SIPA1L3: variants seen among roughly 807,000 people sequenced by gnomAD.
The protein encoded by SIPA1L3 is signal induced proliferation associated 1 like 3.
A neutral mutation model predicts 150.1 loss-of-function variants in SIPA1L3; 59 were observed. The observed-to-expected ratio is 0.39, with a 90% confidence interval of 0.32 to 0.49. SIPA1L3 has a LOEUF of 0.49. SIPA1L3 is among the 20% of genes least tolerant of loss of function. The pLI is 0.86. For synonymous variants in SIPA1L3, 1,070 were observed against 1,077.6 expected (o/e 0.99, Z 0.14); for missense variants, 2,211 against 2,489.5 (o/e 0.89, Z 2.38).
intron 21 of SIPA1L3, among the ~76,000 whole-genome samples, chr19:38,205,388 C>T (rs966178333): frequency 1.4e-4 from 20 of 144,310 alleles, no homozygotes; most frequent in African/African-American, 3.7e-4. Flanking sequence ...ACCCAGGAGG[C>T]GGAGATTGCA....
rs150927421 is a variant in SIPA1L3, at chr19:38,170,811, C to T, written c.4208+5905C>T. On this transcript the variant is annotated intron_variant, in intron 15 of 21. Coordinates refer to ENST00000222345, the MANE Select transcript of SIPA1L3 (RefSeq NM_015073.3). ...TAGGGCCAGCGATAATGTTCCTGAA[C>T]GAGGGTCACATCTGCCAAGGATGAG... is the stretch of plus-strand genomic sequence containing the variant. Among the ~76,000 whole-genome samples the T allele has an allele frequency of 7.5e-3, 1,139 of 151,872 alleles. 11 individuals are homozygous for T. Among genetic ancestry groups the T allele is most frequent in the East Asian group, 0.034 (175 of 5,156 alleles).
At chr19:38,124,432 C>T (rs1373202177) in intron 9 of SIPA1L3, among the ~76,000 whole-genome samples, 2 of 151,550 alleles carry the variant, frequency 1.3e-5, no homozygotes, top group Non-Finnish European at 2.9e-5. Flanking sequence ...TTCCTCACTT[C>T]CTAGATGGGA....
At chr19:38,100,980 C>T in intron 5 of SIPA1L3, 72 bp from the exon 6 acceptor site, 1 of 1,466,802 alleles carries the variant, frequency 6.8e-7, no homozygotes, top group Non-Finnish European at 9.0e-7. Flanking sequence ...AGGCCTCAGA[C>T]ATACCCCTTG....
chr19:38,155,112 G>A (rs957941047), intron 13 of SIPA1L3, among the ~76,000 whole-genome samples: 6 of 152,116 alleles, frequency 3.9e-5, no homozygotes, highest in Non-Finnish European at 5.9e-5. Flanking sequence ...AAATGACAAA[G>A]CATCTTATAC....
At position 37,965,869 on chromosome 19, in the gene SIPA1L3, C is replaced by G. The variant is rs1000278421; in HGVS notation, c.-379+58511C>G. Among the ~76,000 whole-genome samples, 4 of 152,240 alleles carry G rather than the reference C, an allele frequency of 2.6e-5. No homozygotes were observed. In the East Asian group the frequency reaches 7.7e-4, roughly 29 times the overall value. On this transcript the variant is annotated intron_variant, in intron 1 of 21. Transcript: ENST00000222345. ...TCCAGGCTTCATGTCTGGGACCCAG[C>G]GTTCTGTGTTTGGGCATTGCCACCT...
intron 15 of SIPA1L3, among the ~76,000 whole-genome samples, chr19:38,171,129 G>A (rs1972318984): frequency 6.6e-6 from 1 of 151,984 alleles, no homozygotes; most frequent in South Asian, 2.1e-4. Context: ...AAAACAGAAG[G>A]GAAAGATGAG....
At chr19:38,197,487 G>A (rs898512819) in intron 18 of SIPA1L3, among the ~76,000 whole-genome samples, 1 of 151,228 alleles carries the variant, frequency 6.6e-6, no homozygotes, top group South Asian at 2.1e-4. Context: ...GCCCCCCCAC[G>A]GCAACCCCAC....
chr19:38,127,267 C>T (rs1205427697), intron 9 of SIPA1L3, among the ~76,000 whole-genome samples: 5 of 152,194 alleles, frequency 3.3e-5, no homozygotes, highest in Non-Finnish European at 5.9e-5. Flanking sequence ...TTCTTTCTTC[C>T]TTCCCTCTCT....
chr19:38,145,402 A>G (rs1971680902), intron 12 of SIPA1L3, among the ~76,000 whole-genome samples: 2 of 151,888 alleles, frequency 1.3e-5, no homozygotes, highest in Non-Finnish European at 2.9e-5. Flanking sequence ...GTGTGGTGGC[A>G]CGCGCCTGTA....
At chr19:38,030,651 T>TATATATATATATATATATA (rs71179404) in intron 2 of SIPA1L3, among the ~76,000 whole-genome samples, 1 of 80,378 alleles carries the variant, frequency 1.2e-5, no homozygotes, top group Non-Finnish European at 2.7e-5. Context: ...TATATATATA[T>TATATATATATATATATATA]GGCAAATACT....
In SIPA1L3 at chr19:37,973,556, C is replaced by CGGGG. The variant is rs1290013117; in HGVS notation, c.-378-55530_-378-55529insGGGG. Among the ~76,000 whole-genome samples the CGGGG allele has an allele frequency of 8.3e-4, 34 of 40,894 alleles. 3 individuals are homozygous for CGGGG. The highest frequency in any genetic ancestry group is 2.7e-3 in the African/African-American group (25 of 9,244). The allele number at this position is 40,894 out of a possible 152,430, so 26.8% of individuals were successfully genotyped here. A position where few individuals can be genotyped will look rare whatever the true frequency, so the allele number is the denominator to read the frequency against. On this transcript the variant is annotated intron_variant, in intron 1 of 21. Transcript: ENST00000222345. ...GGCCAAAAAAAAAAAAAAAAAAAAG[C>CGGGG]GGGAGGGGGGCGCATCTTGAAGCAC...
intron 1 of SIPA1L3, among the ~76,000 whole-genome samples, chr19:38,014,471 C>A (rs1005129848): frequency 1.3e-5 from 2 of 151,204 alleles, no homozygotes. Context: ...AAAGCACAGG[C>A]AACAACTTAA....
In SIPA1L3 at chr19:38,164,988, C is replaced by T. The variant is rs1290207779; in HGVS notation, c.4208+82C>T. 5.3e-6 allele frequency: 7 copies of T among 1,319,544 alleles called. No homozygotes were observed. The highest frequency in any genetic ancestry group is 2.0e-4 in the Middle Eastern group (1 of 4,932). The allele number at this position is 1,319,544 out of a possible 1,614,324, so 81.7% of individuals were successfully genotyped here. ...TTTACGGTCCTGATGGTGGGGTTCT[C>T]CTCCCCAGAAACACACTCACGGATG... is the stretch of plus-strand genomic sequence containing the variant. On this transcript the variant is annotated intron_variant, in intron 15 of 21. Coordinates refer to ENST00000222345, the MANE Select transcript of SIPA1L3 (RefSeq NM_015073.3). This position sits in a 1 kb window ranked among gnomAD's most constrained non-coding sequence, Gnocchi z 4.1.
chr19:38,096,915 A>G (rs1396886050), intron 4 of SIPA1L3, among the ~76,000 whole-genome samples: 1 of 152,216 alleles, frequency 6.6e-6, no homozygotes, highest in Non-Finnish European at 1.5e-5. Flanking sequence ...TCATAACAGC[A>G]CTATTCACAG....
At chr19:38,153,935 G>A (rs544552656) in intron 13 of SIPA1L3, among the ~76,000 whole-genome samples, 4 of 150,272 alleles carry the variant, frequency 2.7e-5, no homozygotes, top group Admixed American at 6.6e-5. Flanking sequence ...CTCTGTCTCA[G>A]AAAAAAAAAG....
At chr19:37,941,866 G>C (rs1227854054) in intron 1 of SIPA1L3, among the ~76,000 whole-genome samples, 1 of 152,192 alleles carries the variant, frequency 6.6e-6, no homozygotes, top group Non-Finnish European at 1.5e-5. Context: ...CTCCATTGCA[G>C]AGGCAAGCCC....
chr19:38,132,554 A>T (rs1339936525), intron 10 of SIPA1L3, among the ~76,000 whole-genome samples: 3 of 147,462 alleles, frequency 2.0e-5, no homozygotes, highest in Non-Finnish European at 4.5e-5. Context: ...ATTGCACTCC[A>T]GCCTGGGCAA....
chr19:38,158,742 G>T (rs979063814), intron 13 of SIPA1L3, among the ~76,000 whole-genome samples: 6 of 152,342 alleles, frequency 3.9e-5, no homozygotes, highest in East Asian at 1.9e-4. Flanking sequence ...TGCCACAGGG[G>T]GTTTGGCCAC....
intron 16 of SIPA1L3, chr19:38,184,831 GC>G (rs1972641562): frequency 6.6e-6 from 1 of 152,168 alleles, no homozygotes; most frequent in African/African-American, 2.4e-5. Context: ...GCCTCCCCAT[GC>G]TCCCGGGATT....
Sources: gnomAD v4.1 joint callset for allele counts (sites outside exome capture counted in the v4.1 genomes callset) on GRCh38, gnomAD v4.1.1 for gene constraint, Gnocchi (gnomAD v3.1) non-coding constraint, MANE v1.5 for transcripts, NCBI Gene and HGNC (gene_info 2026-07-23, HGNC 2026-07-21) for gene names.